Variants in CFAP58 observed in about 807,000 individuals in gnomAD.
The protein encoded by CFAP58 is cilia- and flagella-associated protein 58.
Under a neutral mutation model 119.5 loss-of-function variants are expected in CFAP58, and 88 were observed. The ratio of observed to expected loss-of-function variants is 0.74; its 90% CI spans 0.62 to 0.88. The LOEUF is 0.88. Ranked by LOEUF, CFAP58 falls within the 40% of genes least tolerant of loss-of-function variation. The pLI is 0.00. For missense variants in CFAP58, 990 were observed against 1,021.2 expected, an observed-to-expected ratio of 0.97 and a Z score of 0.42; for synonymous variants, 365 against 366.3, an observed-to-expected ratio of 1.00 and a Z score of 0.04.
intron 11 of CFAP58, among the ~76,000 whole-genome samples, chr10:104,396,406 G>A (rs867064326): frequency 4.2e-4 from 45 of 107,984 alleles, no homozygotes; most frequent in South Asian, 1.4e-3. Flanking sequence ...GAGAGAGAGA[G>A]AGAGAGAGAG....
intron 9 of CFAP58, among the ~76,000 whole-genome samples, chr10:104,390,013 A>G (rs1194845714): frequency 1.3e-5 from 2 of 152,216 alleles, no homozygotes; most frequent in East Asian, 3.8e-4. Context: ...TAAGAAAGCT[A>G]TTGCTGGTGG....
intron 15 of CFAP58, among the ~76,000 whole-genome samples, chr10:104,435,070 C>T (rs913230056): frequency 6.6e-6 from 1 of 152,202 alleles, no homozygotes; most frequent in African/African-American, 2.4e-5. Context: ...AGAACAACCA[C>T]GATATCAGCA....
intron 7 of CFAP58, among the ~76,000 whole-genome samples, chr10:104,376,123 T>A (rs2011653740): frequency 6.6e-6 from 1 of 152,144 alleles, no homozygotes. Context: ...AATTTCAAGG[T>A]ATGGCAAGGA....
chr10:104,406,772 T>A lies in CFAP58; in HGVS notation c.2235T>A (p.Val745=). 6.2e-7 allele frequency: 1 copy of A among 1,614,190 alleles called. No homozygotes were observed. The highest frequency in any genetic ancestry group is 2.2e-5 in the East Asian group (1 of 44,878). The change falls in exon 15 of 18, where the codon GTT becomes GTA. Residue 745 remains valine (V), a synonymous_variant. Transcript: ENST00000369704. ...TCATCAGCAAGACTGAAGAGGTGGTTGAAAAAGAGCTGCTCCTCCAGGTAG... is the reference window on the plus strand; with the variant it reads ...TCATCAGCAAGACTGAAGAGGTGGTAGAAAAAGAGCTGCTCCTCCAGGTAG... ...KRLISKTEEV[V]EKELLLQEKE...
At position 104,430,166 on chromosome 10, in the gene CFAP58, C is replaced by T. The variant is rs912155364; in HGVS notation, c.2257-17532C>T. Among the ~76,000 whole-genome samples the T allele has an allele frequency of 3.9e-5, 6 of 152,268 alleles. No homozygotes were observed. In the South Asian group the frequency reaches 8.3e-4, roughly 21 times the overall value. ...TCCCCTTCACAATAGTTAAAAGACA[C>T]GAATGATGTACTTAAGTTAGCCTGA... On this transcript the variant is annotated intron_variant, in intron 15 of 17. Coordinates refer to ENST00000369704, the MANE Select transcript of CFAP58 (RefSeq NM_001008723.2).
chr10:104,437,048 T>A (rs1275388130), intron 15 of CFAP58, among the ~76,000 whole-genome samples: 3 of 152,264 alleles, frequency 2.0e-5, no homozygotes, highest in African/African-American at 7.2e-5. Context: ...ATTGAAATGT[T>A]CTATTTCATA....
chr10:104,381,060 G>C (rs905580750), intron 9 of CFAP58, among the ~76,000 whole-genome samples: 3 of 152,034 alleles, frequency 2.0e-5, no homozygotes, highest in African/African-American at 7.2e-5. Context: ...TGCGGTAGGA[G>C]GAACGCTTGA....
chr10:104,373,365 G>A (rs1363442343), intron 7 of CFAP58, among the ~76,000 whole-genome samples: 1 of 152,122 alleles, frequency 6.6e-6, no homozygotes, highest in Non-Finnish European at 1.5e-5. Flanking sequence ...CTGGCATGGT[G>A]GCTTACACCT....
At chr10:104,424,668 G>A (rs2012714071) in intron 15 of CFAP58, among the ~76,000 whole-genome samples, 1 of 152,124 alleles carries the variant, frequency 6.6e-6, no homozygotes, top group African/African-American at 2.4e-5. Context: ...GTTCCATTCA[G>A]TAAACAATAC....
intron 1 of CFAP58, among the ~76,000 whole-genome samples, chr10:104,357,921 G>GTACATATA (rs1345490653): frequency 4.7e-5 from 5 of 105,492 alleles, no homozygotes; most frequent in South Asian, 5.5e-4. Flanking sequence ...ACACATATAT[G>GTACATATA]TACACATATA....
chr10:104,426,310 A>G (rs2012744217), intron 15 of CFAP58, among the ~76,000 whole-genome samples: 1 of 152,112 alleles, frequency 6.6e-6, no homozygotes, highest in Non-Finnish European at 1.5e-5. Flanking sequence ...TCAAGGGAGG[A>G]GAGTCAAAGG....
At position 104,435,266 on chromosome 10, in the gene CFAP58, G is replaced by A. The variant is rs186783542; in HGVS notation, c.2257-12432G>A. Among the ~76,000 whole-genome samples, 775 of 152,342 alleles carry A rather than the reference G, an allele frequency of 5.1e-3. 2 individuals carry two copies. The highest frequency in any genetic ancestry group is 0.017 in the Middle Eastern group (5 of 294). On this transcript the variant is annotated intron_variant, in intron 15 of 17. Coordinates refer to ENST00000369704, the MANE Select transcript of CFAP58 (RefSeq NM_001008723.2). ...GGAGGCCGAGGCGGGCAGATCATTT[G>A]AGGTCAGGAGTTCAAGACCAGCCTG...
chr10:104,387,297 T>C (rs779242817), intron 9 of CFAP58, among the ~76,000 whole-genome samples: 4 of 152,244 alleles, frequency 2.6e-5, no homozygotes, highest in Non-Finnish European at 2.9e-5. Flanking sequence ...CTCTGGGATG[T>C]GGATTGGGCT....
intron 15 of CFAP58, among the ~76,000 whole-genome samples, chr10:104,425,895 G>A (rs2012736403): frequency 6.6e-6 from 1 of 152,190 alleles, no homozygotes; most frequent in South Asian, 2.1e-4. Context: ...GTTGGTAAGG[G>A]ACAGGCTCTG....
chr10:104,374,958 G>A (rs1219286324), intron 7 of CFAP58, among the ~76,000 whole-genome samples: 1 of 151,482 alleles, frequency 6.6e-6, no homozygotes, highest in African/African-American at 2.4e-5. Flanking sequence ...AAATTCGGAT[G>A]CTGATGCACA....
upstream of CFAP58, among the ~76,000 whole-genome samples, chr10:104,352,585 C>G (rs1437832494): frequency 6.6e-6 from 1 of 152,242 alleles, no homozygotes; most frequent in African/African-American, 2.4e-5. Context: ...GACGCAGCTG[C>G]ATAAGCAAAT....
At chr10:104,394,463 T>A (rs1392557791) in intron 11 of CFAP58, among the ~76,000 whole-genome samples, 1 of 152,214 alleles carries the variant, frequency 6.6e-6, no homozygotes, top group East Asian at 1.9e-4. Context: ...TTATATCTAG[T>A]GTTGGGCAGG....
At chr10:104,357,860 CATAT>C (rs755984146) in intron 1 of CFAP58, among the ~76,000 whole-genome samples, 8 of 118,936 alleles carry the variant, frequency 6.7e-5, no homozygotes, top group Admixed American at 3.9e-4. Flanking sequence ...CATATATACA[CATAT>C]ATACACATAT....
chr10:104,417,351 C>G (rs1201302505), intron 15 of CFAP58, among the ~76,000 whole-genome samples: 1 of 152,208 alleles, frequency 6.6e-6, no homozygotes, highest in African/African-American at 2.4e-5. Flanking sequence ...ACATAAAGCA[C>G]TTAGCACAAT....
Sources: gnomAD v4.1 joint callset for allele counts (sites outside exome capture counted in the v4.1 genomes callset) on GRCh38, gnomAD v4.1.1 for gene constraint, MANE v1.5 for transcripts, NCBI Gene and HGNC (gene_info 2026-07-23, HGNC 2026-07-21) for gene names.